The following ATAD1 variants were observed in gnomAD, a reference collection of about 807,000 sequenced individuals.
The protein encoded by ATAD1 is outer mitochondrial transmembrane helix translocase.
ATAD1 carries 18 observed loss-of-function variants against 42.7 expected under a neutral mutation model. The observed-to-expected ratio is 0.42, with a 90% CI of 0.29 to 0.63. The LOEUF (loss-of-function observed/expected upper bound fraction) is 0.63. Among genes scored for constraint, ATAD1 ranks in the 20% least tolerant of loss-of-function variants. The pLI is 0.19. For missense variants in ATAD1, 294 were observed against 440.4 expected (o/e 0.67, Z 2.98); for synonymous variants, 132 against 143.1 (o/e 0.92, Z 0.55).
intron 1 of ATAD1, among the ~76,000 whole-genome samples, chr10:87,836,097 T>C (rs920858570): frequency 2.0e-5 from 3 of 152,194 alleles, no homozygotes; most frequent in Admixed American, 2.0e-4. Flanking sequence ...ATTTCTGTTT[T>C]TCCTTCTTTA....
intron 1 of ATAD1, among the ~76,000 whole-genome samples, chr10:87,839,708 C>T (rs376329845): frequency 6.6e-6 from 1 of 151,980 alleles, no homozygotes; most frequent in Non-Finnish European, 1.5e-5. Context: ...TCTTTCTTCC[C>T]CCCCGCCGCC....
intron 1 of ATAD1, among the ~76,000 whole-genome samples, chr10:87,833,727 C>CTTTTTTTTTTT (rs3033524): frequency 1.5e-4 from 15 of 100,764 alleles, no homozygotes; most frequent in Non-Finnish European, 2.1e-4. Flanking sequence ...TCTTTCTTTC[C>CTTTTTTTTTTT]TTTTTTTTTT....
chr10:87,830,632 A>G (rs1286020359), intron 1 of ATAD1, among the ~76,000 whole-genome samples: 1 of 152,194 alleles, frequency 6.6e-6, no homozygotes, highest in Non-Finnish European at 1.5e-5. Context: ...TATCAAGAAT[A>G]ATAACATTTT....
At chr10:87,770,444 T>A (rs1854976835) in intron 7 of ATAD1, among the ~76,000 whole-genome samples, 1 of 152,160 alleles carries the variant, frequency 6.6e-6, no homozygotes, top group Non-Finnish European at 1.5e-5. Context: ...GCAGAACTGG[T>A]TTAACACCAT....
At chr10:87,832,771 AT>A (rs1336261319) in intron 1 of ATAD1, 1 of 152,160 alleles carries the variant, frequency 6.6e-6, no homozygotes, top group Non-Finnish European at 1.5e-5. Flanking sequence ...GTGGAATTGA[AT>A]TAAACTATAG....
intron 5 of ATAD1, among the ~76,000 whole-genome samples, chr10:87,780,355 T>C (rs1855509171): frequency 6.6e-6 from 1 of 152,160 alleles, no homozygotes; most frequent in Non-Finnish European, 1.5e-5. Flanking sequence ...GAGACTGTAA[T>C]GATAAATAAA....
At chr10:87,767,423 T>C (rs554091609) in intron 8 of ATAD1, among the ~76,000 whole-genome samples, 1 of 152,174 alleles carries the variant, frequency 6.6e-6, no homozygotes, top group Non-Finnish European at 1.5e-5. Context: ...CAGTTCACAA[T>C]AGGGTTTGCA....
chr10:87,807,579 G>A (rs529793783), intron 2 of ATAD1, among the ~76,000 whole-genome samples: 1 of 152,090 alleles, frequency 6.6e-6, no homozygotes, highest in Admixed American at 6.6e-5. Flanking sequence ...TTGACCACTG[G>A]AGATTTTTCT....
intron 7 of ATAD1, among the ~76,000 whole-genome samples, chr10:87,768,968 C>A (rs1042740247): frequency 6.6e-6 from 1 of 152,128 alleles, no homozygotes; most frequent in East Asian, 1.9e-4. Flanking sequence ...ATAGTCCTAA[C>A]TACTCAGGAG....
intron 1 of ATAD1, among the ~76,000 whole-genome samples, chr10:87,824,429 ACT>A (rs1857689036): frequency 6.6e-6 from 1 of 151,994 alleles, no homozygotes; most frequent in Non-Finnish European, 1.5e-5. Context: ...CTGTATACTG[ACT>A]CTGTTAATTT....
intron 8 of ATAD1, among the ~76,000 whole-genome samples, chr10:87,767,439 A>G (rs1854809622): frequency 6.6e-6 from 1 of 152,156 alleles, no homozygotes; most frequent in African/African-American, 2.4e-5. Context: ...TTGCAATCCT[A>G]TGAGAATCCA....
chr10:87,797,108 G>A (rs891212828), intron 2 of ATAD1, among the ~76,000 whole-genome samples: 7 of 152,132 alleles, frequency 4.6e-5, no homozygotes, highest in Non-Finnish European at 8.8e-5. Flanking sequence ...GTTTTGTCTT[G>A]GCTAAAGTTT....
rs1419309002 is a variant in ATAD1, at chr10:87,760,497, A to G, written c.832-3575T>C. Among the ~76,000 whole-genome samples the G allele has an allele frequency of 2.6e-5, 4 of 152,190 alleles. No individual in the cohort carries two copies. In the East Asian group the frequency reaches 7.7e-4, roughly 29 times the overall value. On this transcript the variant is annotated intron_variant, in intron 8 of 9. Transcript: ENST00000680024. ...AGCTTGTGGAACGGTGAGTCAATTA[A>G]ACCTCTTTTCTTCATAAGTTATCCA...
At chr10:87,790,727 TGCAA>T (rs1396765904) in intron 3 of ATAD1, among the ~76,000 whole-genome samples, 1 of 152,170 alleles carries the variant, frequency 6.6e-6, no homozygotes, top group Non-Finnish European at 1.5e-5. Context: ...AATACTCTGC[TGCAA>T]GAATACTGAG....
At chr10:87,801,883 G>A (rs1156753501) in intron 2 of ATAD1, among the ~76,000 whole-genome samples, 1 of 152,130 alleles carries the variant, frequency 6.6e-6, no homozygotes, top group East Asian at 1.9e-4. Context: ...AACAGAACAG[G>A]AATTAACTGC....
intron 2 of ATAD1, among the ~76,000 whole-genome samples, chr10:87,810,614 C>A (rs893097203): frequency 1.3e-5 from 2 of 152,116 alleles, no homozygotes; most frequent in Non-Finnish European, 2.9e-5. Context: ...TCTCCAATAT[C>A]TTTGCCTTAC....
intron 8 of ATAD1, among the ~76,000 whole-genome samples, chr10:87,760,733 A>C (rs1240921773): frequency 4.6e-5 from 7 of 152,196 alleles, no homozygotes; most frequent in Non-Finnish European, 8.8e-5. Context: ...GTCAGCTAGA[A>C]TGTAGGAGAC....
chr10:87,832,666 T>C (rs1857854437), intron 1 of ATAD1, among the ~76,000 whole-genome samples: 1 of 152,086 alleles, frequency 6.6e-6, no homozygotes, highest in African/African-American at 2.4e-5. Flanking sequence ...TCATAATTTA[T>C]ATAAAATTTA....
chr10:87,784,517 G>A lies in ATAD1; in HGVS notation c.536C>T (p.Ser179Phe). The A allele has an allele frequency of 1.9e-6, 3 of 1,613,680 alleles. No individual in the cohort carries two copies. Among genetic ancestry groups the A allele is most frequent in the Non-Finnish European group, 2.5e-6 (3 of 1,179,810 alleles). ...ESQKLAAAVF[S>F]LAIKLQPSII... ...GGATGGTTGTAGCTTTATGGCAAGG[G>A]AGAAGACAGCAGCAGCCAATTTCTG... The change falls in exon 5 of 10, where the codon TCC becomes TTC. Residue 179 changes from serine to phenylalanine, a missense_variant. Ser to Phe is a radical substitution (Grantham distance 155). Coordinates refer to ENST00000680024, the MANE Select transcript of ATAD1 (RefSeq NM_001321967.2).
Sources: gnomAD v4.1 joint callset for allele counts (sites outside exome capture counted in the v4.1 genomes callset) on GRCh38, gnomAD v4.1.1 for gene constraint, MANE v1.5 for transcripts, NCBI Gene and HGNC (gene_info 2026-07-23, HGNC 2026-07-21) for gene names.